Variants in NLRP7 observed in about 807,000 individuals in gnomAD.
NLRP7 encodes NACHT, LRR and PYD domains-containing protein 7.
In NLRP7, 72 loss-of-function variants were observed where a neutral mutation model predicts 85.5. That is an observed-to-expected ratio of 0.84 (90% CI 0.70 to 1.02). The LOEUF (loss-of-function observed/expected upper bound fraction) is 1.02, where lower values mean the gene tolerates loss of function less well. NLRP7 is among the 50% of genes least tolerant of loss of function. The pLI, the probability that NLRP7 is intolerant of heterozygous loss-of-function variation, is 0.00. For missense variants in NLRP7, 1,243 were observed against 1,219.5 expected, an observed-to-expected ratio of 1.02 and a Z score of -0.29; for synonymous variants, 550 against 505.2, an observed-to-expected ratio of 1.09 and a Z score of -1.19.
At chr19:54,959,900 C>G (rs555431328) in intron 1 of NLRP7, among the ~76,000 whole-genome samples, 16 of 151,830 alleles carry the variant, frequency 1.1e-4, no homozygotes, top group Non-Finnish European at 1.9e-4. Context: ...AGCCGACTCC[C>G]GGCTGCAGAG....
chr19:54,938,699 C>G (rs2069054278), intron 4 of NLRP7, among the ~76,000 whole-genome samples, 189 bp downstream of exon 4: 1 of 152,250 alleles, frequency 6.6e-6, no homozygotes, highest in African/African-American at 2.4e-5. Flanking sequence ...GCACTCCAGC[C>G]TGGGGGACAG....
chr19:54,960,445 C>A (rs540463497), intron 1 of NLRP7, among the ~76,000 whole-genome samples: 1 of 151,666 alleles, frequency 6.6e-6, no homozygotes, highest in African/African-American at 2.4e-5. Flanking sequence ...CTTAAGCCAC[C>A]GCGCTCAACC....
rs573067917 is a variant in NLRP7, at chr19:54,927,830, G to A, written c.2810+2669C>T. The A allele has an allele frequency of 3.2e-4, 478 of 1,493,780 alleles. 3 individuals carry two copies. In the African/African-American group the frequency reaches 5.5e-3, roughly 17 times the overall value. The allele number at this position is 1,493,780 out of a possible 1,614,324, so 92.5% of individuals were successfully genotyped here. A position where few individuals can be genotyped will look rare whatever the true frequency, so the allele number is the denominator to read the frequency against. On this transcript the variant is annotated intron_variant, in intron 9 of 9. Coordinates refer to ENST00000340844, the Ensembl canonical transcript of NLRP7. ...ATTCACTGAGCAGGTAGTGGCTCAA[G>A]CGTGTAATCCCAACACTTCGGGAGG...
intron 1 of NLRP7, among the ~76,000 whole-genome samples, chr19:54,944,081 G>A (rs758875301): frequency 1.4e-4 from 21 of 152,262 alleles, no homozygotes; most frequent in Middle Eastern, 3.4e-3. Flanking sequence ...TTCTCCCCAT[G>A]TGATAGCCTG....
chr19:54,940,211 G>C lies in NLRP7; in HGVS notation c.608C>G (p.Thr203Arg), dbSNP rs774667662. 4 of 1,614,072 alleles carry C rather than the reference G, an allele frequency of 2.5e-6. No homozygotes were observed. The highest frequency in any genetic ancestry group is 1.7e-5 in the Admixed American group (1 of 59,988). ...GCTGAGGTAGAACGCGTATCTGAGCGTCGGGCTGAGGTTGCAGTCTGTCCA... is the reference window on the plus strand; with the variant it reads ...GCTGAGGTAGAACGCGTATCTGAGCCTCGGGCTGAGGTTGCAGTCTGTCCA... Residue 203 changes from threonine (T) to arginine (R), a missense_variant, in exon 4 of 10, where the codon ACG becomes AGG. Around this residue, in one of 3 missense-constraint regions of NLRP7, gnomAD observed 591 missense variants for 563.3 expected, o/e 1.05. Coordinates refer to ENST00000340844, the Ensembl canonical transcript of NLRP7.
exon 4 of NLRP7, chr19:54,939,374 A>G (rs1423150797): frequency 6.2e-7 from 1 of 1,614,046 alleles, no homozygotes; most frequent in East Asian, 2.2e-5. Flanking sequence ...CTCCTTCTCC[A>G]GGGCGTAGAA....
At position 54,933,607 on chromosome 19, in the gene NLRP7, C is replaced by T. The variant is rs554678539; in HGVS notation, c.2604G>A (p.Glu868=). Residue 868 remains glutamate, a synonymous_variant, in exon 8 of 10, where the codon GAG becomes GAA. Coordinates refer to ENST00000340844, the Ensembl canonical transcript of NLRP7. ...GTTTACAATCAGGGTAACTCAAGCC[C>T]TCACACAGAAACTTCACCCCTGTAT... 2.5e-6 allele frequency: 4 copies of T among 1,614,238 alleles called. No homozygotes were observed. In the East Asian group the frequency reaches 8.9e-5, roughly 36 times the overall value.
At chr19:54,959,893 C>T (rs1002469783) in intron 1 of NLRP7, among the ~76,000 whole-genome samples, 21 of 151,910 alleles carry the variant, frequency 1.4e-4, no homozygotes, top group Middle Eastern at 6.8e-3. Flanking sequence ...CCCTGGGAGC[C>T]GACTCCCGGC....
At chr19:54,945,246 AAAAAAAAAAGAAAAG>A (rs1274756042) in intron 1 of NLRP7, among the ~76,000 whole-genome samples, 49 of 150,802 alleles carry the variant, frequency 3.2e-4, no homozygotes, top group African/African-American at 1.1e-3. Flanking sequence ...CTCAAAAAAA[AAAAAAAAAAGAAAAG>A]AAAAGAAAAA....
At chr19:54,929,064 G>A (rs986050108) in intron 9 of NLRP7, among the ~76,000 whole-genome samples, 1 of 152,080 alleles carries the variant, frequency 6.6e-6, no homozygotes, top group African/African-American at 2.4e-5. Flanking sequence ...TTCCTCAGGG[G>A]GATGGGTTAA....
intron 9 of NLRP7, among the ~76,000 whole-genome samples, chr19:54,928,806 G>A (rs1449250166): frequency 9.7e-6 from 1 of 103,560 alleles, no homozygotes; most frequent in Admixed American, 1.0e-4. Context: ...GAAGCCTTTG[G>A]TTTTGTTTTT....
rs1345619304 is a variant in NLRP7, at chr19:54,939,139, A to AT, written c.1679dup (p.Asn560LysfsTer2). 1 of 1,614,222 alleles carries AT rather than the reference A, an allele frequency of 6.2e-7. No individual in the cohort carries two copies. The highest frequency in any genetic ancestry group is 1.1e-5 in the South Asian group (1 of 91,088). Reference sequence around the variant, plus strand: ...TCAGGTCGGTCACGGATAAGGGCTTATTTGCATGAAGATGTGCTTTGCATT... The same window carrying AT: ...TCAGGTCGGTCACGGATAAGGGCTTATTTTGCATGAAGATGTGCTTTGCATT... On this transcript the variant is annotated frameshift_variant, in exon 4 of 10. Transcript: ENST00000340844. LOFTEE classifies it high-confidence loss of function.
At chr19:54,943,288 G>A (rs1397936295) in intron 1 of NLRP7, among the ~76,000 whole-genome samples, 4 of 151,916 alleles carry the variant, frequency 2.6e-5, no homozygotes, top group Non-Finnish European at 5.9e-5. Context: ...GGGTGACAGA[G>A]TGAGGCCCTG....
intron 1 of NLRP7, among the ~76,000 whole-genome samples, chr19:54,953,932 G>T (rs887784882): frequency 6.6e-6 from 1 of 151,726 alleles, no homozygotes; most frequent in Non-Finnish European, 1.5e-5. Context: ...GCGTGAACCC[G>T]GGTGATGGAG....
rs182959053 is a variant in NLRP7, at chr19:54,928,449, G to A, written c.2810+2050C>T. ...TATTTGCTGGGGCTCCAGTAGTGAG[G>A]AAAGGCAGAGGGGAGTGAGCAGAAG... On this transcript the variant is annotated intron_variant, in intron 9 of 9. Transcript: ENST00000340844. 3.3e-4 allele frequency among the ~76,000 whole-genome samples: 50 copies of A among 152,220 alleles called. No homozygotes were observed. In the East Asian group the frequency reaches 9.7e-3, roughly 29 times the overall value.
At chr19:54,930,766 A>C (rs1398077095) in intron 8 of NLRP7, 100 bp from the exon 9 acceptor site, 2 of 986,890 alleles carry the variant, frequency 2.0e-6, no homozygotes, top group Non-Finnish European at 3.2e-6. Context: ...TATATACTGG[A>C]ATGCAGTGCT....
rs2068761751 is a variant in NLRP7 at position 54,933,467 on chromosome 19, C to A, written c.2642+102G>T. The A allele has an allele frequency of 2.1e-5, 30 of 1,445,552 alleles. 1 individual carries two copies. In the South Asian group the frequency reaches 3.1e-4, roughly 15 times the overall value. The allele number at this position is 1,445,552 out of a possible 1,614,324, so 89.5% of individuals were successfully genotyped here. A position where few individuals can be genotyped will look rare whatever the true frequency, so the allele number is the denominator to read the frequency against. ...GCCTCTGCCTGTTCTTTAATTCTTA[C>A]CAGGTTTTTAAAAGTTACATTTGAA... is the stretch of plus-strand genomic sequence containing the variant. On this transcript the variant is annotated intron_variant, in intron 8 of 9. Transcript: ENST00000340844.
chr19:54,939,512 T>C (rs2069109300), exon 4 of NLRP7: 1 of 1,613,352 alleles, frequency 6.2e-7, no homozygotes, highest in South Asian at 1.1e-5. Flanking sequence ...CCCGAGCCTT[T>C]CCAGGTCCTC....
chr19:54,952,462 C>G (rs1328195987), upstream of NLRP7, among the ~76,000 whole-genome samples: 1 of 151,826 alleles, frequency 6.6e-6, no homozygotes, highest in Non-Finnish European at 1.5e-5. Flanking sequence ...GGCGTGGTAG[C>G]GGGTGCCTGT....
Sources: allele counts gnomAD v4.1 joint callset (sites outside exome capture counted in the v4.1 genomes callset), GRCh38; gene constraint gnomAD v4.1.1; regional missense constraint gnomAD v4.1.1; transcripts MANE v1.5; gene names NCBI Gene and HGNC (gene_info 2026-07-23, HGNC 2026-07-21).